Variants in SLX4IP observed in about 807,000 individuals in gnomAD.
SLX4IP encodes the protein protein SLX4IP.
Under a neutral mutation model 32.9 loss-of-function variants are expected in SLX4IP, and 34 were observed. That is an observed-to-expected ratio of 1.03 (90% CI 0.79 to 1.38). SLX4IP has a LOEUF of 1.38. SLX4IP is among the 40% of genes most tolerant of loss of function. SLX4IP has a pLI of 0.00. For synonymous variants in SLX4IP, 172 were observed against 171.7 expected (o/e 1.00, Z -0.01); for missense variants, 444 against 479.0 (o/e 0.93, Z 0.68).
rs566693646 is a variant in SLX4IP, at chr20:10,579,981, T to C, written c.239-18694T>C. Among the ~76,000 whole-genome samples, 18 of 152,228 alleles carry C rather than the reference T, an allele frequency of 1.2e-4. No homozygotes were observed. In the South Asian group the frequency reaches 3.3e-3, roughly 28 times the overall value. On this transcript the variant is annotated intron_variant, in intron 4 of 7. Coordinates refer to ENST00000334534, the MANE Select transcript of SLX4IP (RefSeq NM_001009608.3). Reference sequence around the variant, plus strand: ...AATAAAGTACCATTGATTTTGCCAGTGGTCTTCTCCAGAGATTTAGATTAA... The same window carrying C: ...AATAAAGTACCATTGATTTTGCCAGCGGTCTTCTCCAGAGATTTAGATTAA...
chr20:10,467,817 T>A (rs550398497), intron 2 of SLX4IP, among the ~76,000 whole-genome samples: 241 of 152,348 alleles, frequency 1.6e-3, no homozygotes, highest in African/African-American at 5.7e-3. Flanking sequence ...GCTCTGAGTG[T>A]TGATGACTTT....
At chr20:10,498,739 T>C (rs1750632424) in intron 2 of SLX4IP, among the ~76,000 whole-genome samples, 1 of 151,630 alleles carries the variant, frequency 6.6e-6, no homozygotes. Flanking sequence ...CCTGACACTC[T>C]ATTGTAATTG....
intron 4 of SLX4IP, among the ~76,000 whole-genome samples, chr20:10,589,912 T>C (rs2066686981): frequency 6.6e-6 from 1 of 151,826 alleles, no homozygotes; most frequent in African/African-American, 2.4e-5. Context: ...ATACATTGAG[T>C]CTATGTTACT....
intron 2 of SLX4IP, among the ~76,000 whole-genome samples, chr20:10,510,517 T>C (rs886949506): frequency 6.6e-6 from 1 of 152,150 alleles, no homozygotes; most frequent in Non-Finnish European, 1.5e-5. Context: ...CTACTAAAGA[T>C]AGAGCAAGCT....
intron 2 of SLX4IP, among the ~76,000 whole-genome samples, chr20:10,541,381 C>A (rs947563649): frequency 6.6e-6 from 1 of 152,068 alleles, no homozygotes; most frequent in Non-Finnish European, 1.5e-5. Context: ...TGTTGCTTGC[C>A]CTTTGTGGTT....
At chr20:10,452,709 G>A (rs989376827) in intron 1 of SLX4IP, among the ~76,000 whole-genome samples, 8 of 146,056 alleles carry the variant, frequency 5.5e-5, no homozygotes, top group Non-Finnish European at 1.0e-4. Flanking sequence ...AAATTAGCTG[G>A]GCTTGGTGGC....
At chr20:10,617,382 T>A (rs1374323738) in intron 6 of SLX4IP, among the ~76,000 whole-genome samples, 1 of 152,156 alleles carries the variant, frequency 6.6e-6, no homozygotes, top group Non-Finnish European at 1.5e-5. Flanking sequence ...ATGCAGCCAG[T>A]CTTCCCACTG....
At chr20:10,458,104 C>T in intron 1 of SLX4IP, 72 bp from the exon 2 acceptor site, 4 of 959,068 alleles carry the variant, frequency 4.2e-6, no homozygotes, top group Non-Finnish European at 6.0e-6. Context: ...TTCAGCCCAT[C>T]TTTTTCCTGT....
intron 2 of SLX4IP, among the ~76,000 whole-genome samples, chr20:10,481,080 A>C (rs1450761066): frequency 8.6e-5 from 1 of 11,614 alleles, no homozygotes; most frequent in Non-Finnish European, 1.6e-4. Context: ...ATATTCTTAC[A>C]ACTTTTTTTT....
intron 4 of SLX4IP, among the ~76,000 whole-genome samples, chr20:10,564,071 G>T (rs2066361595): frequency 1.3e-5 from 2 of 152,172 alleles, no homozygotes; most frequent in African/African-American, 4.8e-5. Flanking sequence ...GATGACAGAG[G>T]TTCATTTTGT....
chr20:10,624,314 T>A lies in SLX4IP; in HGVS notation c.*935T>A, dbSNP rs1388384028. Reference sequence around the variant, plus strand: ...TTTTGGTTTGGGACAGACTATAACCTAACAGGAACTCAGTGACCAGGTTCC... The same window carrying A: ...TTTTGGTTTGGGACAGACTATAACCAAACAGGAACTCAGTGACCAGGTTCC... On this transcript the variant is annotated 3_prime_UTR_variant, in exon 8 of 8. Coordinates refer to ENST00000334534, the MANE Select transcript of SLX4IP (RefSeq NM_001009608.3). The A allele has an allele frequency of 2.0e-5, 3 of 152,180 alleles. No homozygotes were observed. Among genetic ancestry groups the A allele is most frequent in the Non-Finnish European group, 4.4e-5 (3 of 68,036 alleles). 9.4% of individuals were successfully genotyped at this position (152,180 alleles called of 1,614,324 possible).
intron 2 of SLX4IP, among the ~76,000 whole-genome samples, chr20:10,509,620 A>G (rs926221384): frequency 2.0e-5 from 3 of 152,162 alleles, no homozygotes; most frequent in Non-Finnish European, 4.4e-5. Context: ...ATCCATCCAG[A>G]AAGATGTTCA....
In SLX4IP at chr20:10,458,204, C is replaced by T. The variant is rs546667263; in HGVS notation, c.-1C>T. The T allele has an allele frequency of 9.6e-5, 153 of 1,587,756 alleles. No homozygotes were observed. The South Asian group carries it at 1.3e-3, about 13-fold the overall frequency. On this transcript the variant is annotated 5_prime_UTR_variant, in exon 2 of 8. Transcript: ENST00000334534. The stretch of plus-strand genomic sequence containing the variant: ...TGTAGTTACTGTGGAATCAATAAGC[C>T]ATGGCATCTAAGAAATTTGCTGTTA...
chr20:10,441,315 A>C (rs985875524), intron 1 of SLX4IP, among the ~76,000 whole-genome samples: 5 of 152,160 alleles, frequency 3.3e-5, no homozygotes, highest in African/African-American at 7.2e-5. Context: ...TTACACCTGT[A>C]GTCCCAGCTA....
At chr20:10,435,962 CAAAT>C (rs1221188681) in intron 1 of SLX4IP, among the ~76,000 whole-genome samples, 5 of 152,182 alleles carry the variant, frequency 3.3e-5, no homozygotes, top group Non-Finnish European at 7.3e-5. Context: ...TAGGTTGAGA[CAAAT>C]AACAGTATTT....
intron 1 of SLX4IP, among the ~76,000 whole-genome samples, chr20:10,446,464 C>T (rs775641939): frequency 9.3e-5 from 14 of 150,226 alleles, no homozygotes; most frequent in East Asian, 2.0e-4. Flanking sequence ...CAAGTTTTTA[C>T]GTGAGCCTAA....
intron 1 of SLX4IP, among the ~76,000 whole-genome samples, chr20:10,437,238 G>C (rs140700817): frequency 1.3e-5 from 2 of 152,196 alleles, no homozygotes; most frequent in African/African-American, 4.8e-5. Flanking sequence ...CGATCCTTCT[G>C]CCTTGGTCTG....
At chr20:10,562,237 C>G (rs1328259122) in intron 4 of SLX4IP, among the ~76,000 whole-genome samples, 1 of 152,164 alleles carries the variant, frequency 6.6e-6, no homozygotes, top group Admixed American at 6.5e-5. Context: ...ACCGGAAATA[C>G]TGGATCACAC....
chr20:10,544,633 C>T (rs765691433), intron 2 of SLX4IP, among the ~76,000 whole-genome samples: 3 of 152,132 alleles, frequency 2.0e-5, no homozygotes, highest in Non-Finnish European at 2.9e-5. Context: ...GCAATCTGTC[C>T]GCCTTGGCCT....
Sources: allele counts gnomAD v4.1 joint callset (sites outside exome capture counted in the v4.1 genomes callset), GRCh38; gene constraint gnomAD v4.1.1; transcripts MANE v1.5; gene names NCBI Gene and HGNC (gene_info 2026-07-23, HGNC 2026-07-21).